The following CDYL2 variants were observed in gnomAD, a reference collection of about 807,000 sequenced individuals.
The protein encoded by CDYL2 is chromodomain Y like 2.
Under a neutral mutation model 49.4 loss-of-function variants are expected in CDYL2, and 23 were observed. The observed-to-expected ratio is 0.47, with a 90% CI of 0.34 to 0.66. The LOEUF (loss-of-function observed/expected upper bound fraction) is 0.66, where lower values mean the gene tolerates loss of function less well. Ranked by LOEUF, CDYL2 falls within the 30% of genes least tolerant of loss-of-function variation. The pLI is 0.01. For synonymous variants in CDYL2, 360 were observed against 268.8 expected (o/e 1.34, Z -3.32); for missense variants, 678 against 656.4 (o/e 1.03, Z -0.36).
intron 2 of CDYL2, among the ~76,000 whole-genome samples, chr16:80,668,162 C>A (rs999305338): frequency 2.0e-5 from 3 of 152,220 alleles, no homozygotes; most frequent in Non-Finnish European, 4.4e-5. Context: ...CCGTAAATCC[C>A]AAGCAGCCAA....
At chr16:80,637,424 T>C (rs1240253620) in intron 2 of CDYL2, among the ~76,000 whole-genome samples, 1 of 152,004 alleles carries the variant, frequency 6.6e-6, no homozygotes, top group Non-Finnish European at 1.5e-5. Flanking sequence ...TTAAGGGAAA[T>C]AAAAGTATAT....
intron 1 of CDYL2, among the ~76,000 whole-genome samples, chr16:80,776,376 C>G (rs888370107): frequency 8.6e-5 from 13 of 151,832 alleles, no homozygotes; most frequent in Admixed American, 8.5e-4. Flanking sequence ...TCAGGAATAC[C>G]ACAGCTAAGA....
At chr16:80,803,439 C>T (rs1907987426) in intron 1 of CDYL2, among the ~76,000 whole-genome samples, 3 of 152,130 alleles carry the variant, frequency 2.0e-5, no homozygotes, top group African/African-American at 7.2e-5. Context: ...GCAGCGCCCC[C>T]TTTCGCCCCC....
rs772146566 is a variant in CDYL2, at chr16:80,633,100, G to A, written c.753C>T (p.Asp251=). 5 of 1,614,162 alleles carry A rather than the reference G, an allele frequency of 3.1e-6. No individual in the cohort carries two copies. The Admixed American group carries it at 5.0e-5, about 16-fold the overall frequency. The part of the protein sequence containing the change: ...RQNESNCRFR[D]IVVRKEEGFT... ...ACCCTTCTTCCTTCCGCACAACGAT[G>A]TCTCGAAACCGACAGTTGCTTTCAT... The change falls in exon 3 of 7, where the codon GAC becomes GAT. Residue 251 remains aspartate (D), a synonymous_variant. Transcript: ENST00000570137.
intron 1 of CDYL2, among the ~76,000 whole-genome samples, chr16:80,776,466 C>A (rs1907086411): frequency 6.6e-6 from 1 of 151,868 alleles, no homozygotes; most frequent in African/African-American, 2.4e-5. Context: ...TCTGTAATAT[C>A]AAAGCATGAA....
At chr16:80,711,562 G>C (rs1904596878) in intron 1 of CDYL2, among the ~76,000 whole-genome samples, 1 of 152,170 alleles carries the variant, frequency 6.6e-6, no homozygotes, top group Non-Finnish European at 1.5e-5. Flanking sequence ...CTCAAGGTTT[G>C]GATCCTGACA....
intron 1 of CDYL2, among the ~76,000 whole-genome samples, chr16:80,796,024 G>C (rs891026583): frequency 1.3e-5 from 2 of 152,196 alleles, no homozygotes; most frequent in Non-Finnish European, 2.9e-5. Context: ...CATCAGTCAG[G>C]ATTCAACCAG....
chr16:80,698,206 TC>T (rs1325253800), intron 1 of CDYL2, among the ~76,000 whole-genome samples: 1 of 152,072 alleles, frequency 6.6e-6, no homozygotes, highest in Admixed American at 6.5e-5. Flanking sequence ...ACACAAGATT[TC>T]ATGGCTAAGA....
intron 2 of CDYL2, among the ~76,000 whole-genome samples, chr16:80,679,321 C>T: frequency 6.6e-6 from 1 of 151,786 alleles, no homozygotes; most frequent in East Asian, 1.9e-4. Context: ...CAAAGAAGTA[C>T]ATCCTGTACC....
chr16:80,631,439 G>C (rs556670119), intron 3 of CDYL2, among the ~76,000 whole-genome samples: 17 of 152,150 alleles, frequency 1.1e-4, no homozygotes, highest in Non-Finnish European at 4.4e-5. Flanking sequence ...CCTGTATTTT[G>C]AATGATGTTG....
At chr16:80,771,282 G>C (rs769167316) in intron 1 of CDYL2, among the ~76,000 whole-genome samples, 48 of 152,356 alleles carry the variant, frequency 3.2e-4, no homozygotes, top group Non-Finnish European at 5.6e-4. Flanking sequence ...GTGACAAGAA[G>C]ATGAGAACTG....
intron 1 of CDYL2, 133 bp from the exon 2 acceptor site, chr16:80,685,262 T>C: frequency 1.5e-6 from 1 of 673,494 alleles, no homozygotes; most frequent in Non-Finnish European, 2.5e-6. Flanking sequence ...CACGAGCCAT[T>C]CAATGCCAGA....
intron 1 of CDYL2, among the ~76,000 whole-genome samples, chr16:80,738,993 T>C (rs990908958): frequency 6.6e-6 from 1 of 152,054 alleles, no homozygotes; most frequent in Admixed American, 6.5e-5. Context: ...GTGAAAAAGG[T>C]GGAAGCAACC....
chr16:80,690,249 G>T (rs778635688), intron 1 of CDYL2, among the ~76,000 whole-genome samples: 2 of 152,162 alleles, frequency 1.3e-5, no homozygotes, highest in Non-Finnish European at 2.9e-5. Flanking sequence ...CAGTCACAAA[G>T]GCTCCTCCAA....
At chr16:80,677,730 C>T (rs1471803878) in intron 2 of CDYL2, among the ~76,000 whole-genome samples, 1 of 150,890 alleles carries the variant, frequency 6.6e-6, no homozygotes, top group Non-Finnish European at 1.5e-5. Context: ...CAGAGCGAGA[C>T]TCCATCTCAA....
intron 1 of CDYL2, among the ~76,000 whole-genome samples, chr16:80,776,497 G>A (rs372499469): frequency 1.3e-5 from 2 of 151,568 alleles, no homozygotes; most frequent in South Asian, 2.1e-4. Context: ...AAATCGAAAT[G>A]ATCCCAAAAG....
chr16:80,754,312 G>C (rs919328151), intron 1 of CDYL2, among the ~76,000 whole-genome samples: 4 of 152,142 alleles, frequency 2.6e-5, no homozygotes, highest in Admixed American at 6.5e-5. Flanking sequence ...CCCAAGGAGA[G>C]ATATCCAGAA....
chr16:80,757,371 C>G (rs904127138), intron 1 of CDYL2, among the ~76,000 whole-genome samples: 1 of 151,876 alleles, frequency 6.6e-6, no homozygotes, highest in African/African-American at 2.4e-5. Flanking sequence ...AAGACCCTGT[C>G]TTTACAAAAT....
intron 6 of CDYL2, among the ~76,000 whole-genome samples, chr16:80,607,316 GA>G (rs1442980557): frequency 1.3e-5 from 2 of 152,156 alleles, no homozygotes; most frequent in Non-Finnish European, 2.9e-5. Flanking sequence ...AACAGTCAGG[GA>G]TGAGAAGCAT....
Sources: allele counts gnomAD v4.1 joint callset (sites outside exome capture counted in the v4.1 genomes callset), GRCh38; gene constraint gnomAD v4.1.1; transcripts MANE v1.5; gene names NCBI Gene and HGNC (gene_info 2026-07-23, HGNC 2026-07-21).